The following ATR variants were observed in gnomAD, a reference collection of about 807,000 sequenced individuals.
ATR encodes the protein ATR checkpoint kinase.
A neutral mutation model predicts 305.3 loss-of-function variants in ATR; 142 were observed. The observed-to-expected ratio is 0.47, with a 90% CI of 0.41 to 0.53. The LOEUF (loss-of-function observed/expected upper bound fraction) is 0.53. Among genes scored for constraint, ATR ranks in the 20% least tolerant of loss-of-function variants. The probability of loss-of-function intolerance (pLI) is 0.00; values close to 1 mark genes in which losing one functional copy is unlikely to be tolerated. For missense variants in ATR, 2,135 were observed against 3,133.1 expected, an observed-to-expected ratio of 0.68 and a Z score of 7.60; for synonymous variants, 1,050 against 1,068.1, an observed-to-expected ratio of 0.98 and a Z score of 0.33.
At chr3:142,518,716 T>C (rs1202194981) in intron 24 of ATR, among the ~76,000 whole-genome samples, 1 of 152,180 alleles carries the variant, frequency 6.6e-6, no homozygotes, top group Non-Finnish European at 1.5e-5. Context: ...TCTAGGCACT[T>C]TCTAAGGTTC....
In ATR at chr3:142,459,225, A is replaced by G. The variant is rs200556378; in HGVS notation, c.7349+2T>C. The G allele has an allele frequency of 2.0e-4, 326 of 1,614,034 alleles. 2 individuals are homozygous for G. The South Asian group carries it at 3.2e-3, about 16-fold the overall frequency. On this transcript the variant is annotated splice_donor_variant, in intron 43 of 46. Transcript: ENST00000350721. LOFTEE classifies it high-confidence loss of function. ...CAACGTATTATATTCTTGGTAACTT[A>G]CCATGATGTAGGATCAGGGAATGTT...
At chr3:142,450,340 C>T (rs1334654741) in intron 46 of ATR, 2 of 1,263,860 alleles carry the variant, frequency 1.6e-6, no homozygotes, top group African/African-American at 1.8e-5. Flanking sequence ...GTGAACCAAA[C>T]CCAGTTCATT....
intron 44 of ATR, among the ~76,000 whole-genome samples, chr3:142,458,580 T>A (rs901865140): frequency 2.6e-5 from 4 of 152,188 alleles, no homozygotes; most frequent in Admixed American, 1.3e-4. Flanking sequence ...AATTTTTTTT[T>A]AATTCTTGGA....
chr3:142,493,629 A>G (rs2031416392), intron 34 of ATR, among the ~76,000 whole-genome samples: 1 of 152,200 alleles, frequency 6.6e-6, no homozygotes, highest in Non-Finnish European at 1.5e-5. Flanking sequence ...GTGCTTTTGG[A>G]TGCCAAGGCA....
chr3:142,511,017 C>A (rs919318741), intron 27 of ATR, among the ~76,000 whole-genome samples: 1 of 151,974 alleles, frequency 6.6e-6, no homozygotes, highest in Non-Finnish European at 1.5e-5. Context: ...CTAAGCATAT[C>A]TGGACAGCTG....
chr3:142,496,055 GA>G (rs972491233), intron 34 of ATR, among the ~76,000 whole-genome samples: 2 of 151,398 alleles, frequency 1.3e-5, no homozygotes, highest in Non-Finnish European at 2.9e-5. Context: ...GAAAAATTAA[GA>G]GGTCGTTTTC....
At chr3:142,540,733 A>ATGTAAAATGTAAAAAGTAT (rs2034020907) in intron 18 of ATR, among the ~76,000 whole-genome samples, 171 bp downstream of exon 18, 1 of 152,182 alleles carries the variant, frequency 6.6e-6, no homozygotes, top group Non-Finnish European at 1.5e-5. Context: ...AGACTTCCAT[A>ATGTAAAATGTAAAAAGTAT]GTAAAATGTT....
intron 12 of ATR, 51 bp from the exon 13 acceptor site, chr3:142,553,449 C>A (rs769071301): frequency 1.3e-6 from 2 of 1,538,066 alleles, no homozygotes; most frequent in South Asian, 2.2e-5. Context: ...CACACACACA[C>A]ACACACACAT....
At chr3:142,473,233 T>C (rs1311746977) in intron 36 of ATR, among the ~76,000 whole-genome samples, 2 of 152,224 alleles carry the variant, frequency 1.3e-5, no homozygotes, top group African/African-American at 4.8e-5. Flanking sequence ...CAGCTTCAGG[T>C]CTTACATTTA....
At chr3:142,571,465 C>CAATAAATA (rs72292987) in intron 1 of ATR, among the ~76,000 whole-genome samples, 14 of 143,256 alleles carry the variant, frequency 9.8e-5, no homozygotes, top group South Asian at 4.6e-4. Context: ...GACTCAGTCT[C>CAATAAATA]AATAAATAAA....
Position 142,562,723 on chromosome 3 carries a change from G to C in ATR, c.679C>G (p.Leu227Val), listed in dbSNP as rs745845881. ...ACACAACCTATCTGCCAAAGTAAGA[G>C]TTCTTGCCTTCTAAAAAACACAATT... Reference protein sequence around the residue: ...IAIVFFRRQELLLWQIGCVLL... With the variant: ...IAIVFFRRQEVLLWQIGCVLL... Residue 227 changes from leucine to valine, a missense_variant, in exon 4 of 47, where the codon CTC becomes GTC. By Grantham distance (32) the Leu-to-Val change is conservative. This residue lies in a region of ATR where 744 missense variants were observed against 873.2 expected (regional missense o/e 0.85). Coordinates refer to ENST00000350721, the MANE Select transcript of ATR (RefSeq NM_001184.4). 6.2e-7 allele frequency: 1 copy of C among 1,613,712 alleles called. No individual in the cohort carries two copies.
rs112449181 is a variant in ATR at position 142,569,569 on chromosome 3, G to T, written c.60-1415C>A. Reference sequence around the variant, plus strand: ...TCTCCTGGGCTCAAGCGATCTGCCTGCTTTGACCTCCCAAAGTGCTGGGAT... The same window carrying T: ...TCTCCTGGGCTCAAGCGATCTGCCTTCTTTGACCTCCCAAAGTGCTGGGAT... On this transcript the variant is annotated intron_variant, in intron 1 of 46. Transcript: ENST00000350721. Among the ~76,000 whole-genome samples the T allele has an allele frequency of 6.1e-3, 929 of 152,072 alleles. 7 individuals are homozygous for T. The highest frequency in any genetic ancestry group is 0.024 in the Middle Eastern group (7 of 292).
intron 32 of ATR, 32 bp downstream of exon 32, chr3:142,498,565 C>A (rs2108340294): frequency 6.2e-7 from 1 of 1,605,740 alleles, no homozygotes; most frequent in Non-Finnish European, 8.5e-7. Flanking sequence ...CATTTATAGG[C>A]CAGAAATATA....
chr3:142,553,837 T>C lies in ATR; in HGVS notation c.2520A>G (p.Gly840=), dbSNP rs1282019013. The part of the protein sequence containing the change: ...HILESLDSED[G]FIKELFVLRM... ...AAAAATTATCAACCTCCTTTATAAA[T>C]CCATCTTCAGAGTCCAAGGATTCCA... The change falls in exon 11 of 47, where the codon GGA becomes GGG. Residue 840 remains glycine, a synonymous_variant. Coordinates refer to ENST00000350721, the MANE Select transcript of ATR (RefSeq NM_001184.4). 1.2e-6 allele frequency: 2 copies of C among 1,613,462 alleles called. No homozygotes were observed. The highest frequency in any genetic ancestry group is 1.7e-6 in the Non-Finnish European group (2 of 1,179,714).
Position 142,449,411 on chromosome 3 carries a change from C to A in ATR, c.*18G>T, listed in dbSNP as rs2070727593. On this transcript the variant is annotated 3_prime_UTR_variant, in exon 47 of 47. Transcript: ENST00000350721. ...ATTACTTTTAGATTATTAACATATT[C>A]TTTTACATAATTTCATTTCACATAT... 5 of 1,583,470 alleles carry A rather than the reference C, an allele frequency of 3.2e-6. No homozygotes were observed. The highest frequency in any genetic ancestry group is 1.1e-5 in the South Asian group (1 of 90,362).
chr3:142,505,806 G>A (rs2032205261), intron 28 of ATR, among the ~76,000 whole-genome samples: 1 of 152,088 alleles, frequency 6.6e-6, no homozygotes, highest in Non-Finnish European at 1.5e-5. Context: ...AGAAAGAATG[G>A]GATGATCTAG....
At chr3:142,476,827 T>C (rs1300311577) in intron 36 of ATR, among the ~76,000 whole-genome samples, 2 of 152,214 alleles carry the variant, frequency 1.3e-5, no homozygotes, top group Non-Finnish European at 2.9e-5. Context: ...GTAAGTTGGA[T>C]TCCTGGGTAT....
At chr3:142,474,593 T>C (rs1052956241) in intron 36 of ATR, among the ~76,000 whole-genome samples, 2 of 152,228 alleles carry the variant, frequency 1.3e-5, no homozygotes, top group Non-Finnish European at 2.9e-5. Flanking sequence ...CCTGCAACTT[T>C]ATTGAATTCA....
intron 41 of ATR, among the ~76,000 whole-genome samples, chr3:142,462,474 C>CT (rs201924643): frequency 0.15 from 21,618 of 145,462 alleles, 1,608 homozygotes; most frequent in Non-Finnish European, 0.18. Flanking sequence ...TTTAATTTTT[C>CT]TTTTTTTTTT....
Sources: allele counts gnomAD v4.1 joint callset (sites outside exome capture counted in the v4.1 genomes callset), GRCh38; gene constraint gnomAD v4.1.1; regional missense constraint gnomAD v4.1.1; transcripts MANE v1.5; gene names NCBI Gene and HGNC (gene_info 2026-07-23, HGNC 2026-07-21).